ATRNL1: variants seen among roughly 807,000 people sequenced by gnomAD.
ATRNL1 encodes attractin like 1, also known as attractin-like protein 1.
In ATRNL1, 95 loss-of-function variants were observed where a neutral mutation model predicts 182.7. That is an observed-to-expected ratio of 0.52 (90% CI 0.44 to 0.62). The LOEUF is 0.62. ATRNL1 is among the 20% of genes least tolerant of loss of function. The pLI is 0.00. For synonymous variants in ATRNL1, 576 were observed against 568.3 expected (o/e 1.01, Z -0.19); for missense variants, 1,471 against 1,679.5 (o/e 0.88, Z 2.17).
chr10:115,775,782 C>G lies in ATRNL1; in HGVS notation c.3903+48427C>G, dbSNP rs546059788. Reference sequence around the variant, plus strand: ...CCAGCCTGGCCAACATGGTGAAACCCCGACTCTACTAAAAAAAATACAAAA... The same window carrying G: ...CCAGCCTGGCCAACATGGTGAAACCGCGACTCTACTAAAAAAAATACAAAA... On this transcript the variant is annotated intron_variant, in intron 27 of 28. Coordinates refer to ENST00000355044, the MANE Select transcript of ATRNL1 (RefSeq NM_207303.4). Among the ~76,000 whole-genome samples the G allele has an allele frequency of 9.3e-5, 10 of 107,166 alleles. No homozygotes were observed. In the South Asian group the frequency reaches 2.8e-3, roughly 31 times the overall value. The allele number at this position is 107,166 out of a possible 152,430, so 70.3% of individuals were successfully genotyped here.
At chr10:115,445,506 C>CGT (rs57237450) in intron 21 of ATRNL1, among the ~76,000 whole-genome samples, 11,171 of 119,126 alleles carry the variant, frequency 0.094, 511 homozygotes, top group African/African-American at 0.12. Flanking sequence ...CTCATTTGTC[C>CGT]GTGTGTGTGT....
intron 28 of ATRNL1, among the ~76,000 whole-genome samples, chr10:115,925,411 A>G (rs1953196938): frequency 6.6e-6 from 1 of 152,128 alleles, no homozygotes; most frequent in Non-Finnish European, 1.5e-5. Context: ...ACATAACAAT[A>G]CTAACCTTAA....
intron 8 of ATRNL1, among the ~76,000 whole-genome samples, chr10:115,198,225 T>C (rs1461679275): frequency 1.3e-5 from 2 of 152,196 alleles, no homozygotes; most frequent in East Asian, 1.9e-4. Context: ...TGAAATGATA[T>C]ATCATTTTGG....
chr10:115,366,609 A>C (rs1857056007), intron 19 of ATRNL1, among the ~76,000 whole-genome samples: 1 of 146,746 alleles, frequency 6.8e-6, no homozygotes, highest in African/African-American at 2.5e-5. Flanking sequence ...GTTTCTTCCT[A>C]GTCTCGATGG....
intron 26 of ATRNL1, among the ~76,000 whole-genome samples, chr10:115,630,540 C>T (rs564272820): frequency 2.0e-5 from 3 of 151,662 alleles, no homozygotes; most frequent in Admixed American, 2.0e-4. Context: ...AAATAAGTCT[C>T]TCCAAGAGAC....
intron 25 of ATRNL1, among the ~76,000 whole-genome samples, chr10:115,548,485 C>G (rs1275865621): frequency 1.3e-5 from 2 of 152,084 alleles, no homozygotes; most frequent in East Asian, 1.9e-4. Context: ...GTCCAGTGAC[C>G]AGCGAATTTG....
chr10:115,150,416 G>A (rs1554880313), intron 5 of ATRNL1, among the ~76,000 whole-genome samples: 1 of 151,538 alleles, frequency 6.6e-6, no homozygotes, highest in African/African-American at 2.4e-5. Flanking sequence ...ATTCTTTGAG[G>A]TGCATCATTA....
chr10:115,682,930 T>C (rs551645847), intron 26 of ATRNL1, among the ~76,000 whole-genome samples: 3 of 152,294 alleles, frequency 2.0e-5, no homozygotes, highest in Admixed American at 2.0e-4. Flanking sequence ...GAATTCTGGT[T>C]CTGCCTTTTC....
chr10:115,631,361 ATAAT>A (rs1381789908), intron 26 of ATRNL1, among the ~76,000 whole-genome samples: 3 of 152,114 alleles, frequency 2.0e-5, no homozygotes, highest in African/African-American at 4.8e-5. Flanking sequence ...TAAATTGACA[ATAAT>A]TAAATAAATA....
At chr10:115,939,568 C>T (rs1012920978) in intron 28 of ATRNL1, among the ~76,000 whole-genome samples, 2 of 152,130 alleles carry the variant, frequency 1.3e-5, no homozygotes, top group Admixed American at 1.3e-4. Context: ...ATCATCTTTA[C>T]GTGGTAAATG....
At chr10:115,746,702 A>G (rs1441338144) in intron 27 of ATRNL1, among the ~76,000 whole-genome samples, 3 of 152,040 alleles carry the variant, frequency 2.0e-5, no homozygotes, top group Non-Finnish European at 4.4e-5. Context: ...GCTGAAGTGC[A>G]TAACAGGTTT....
intron 27 of ATRNL1, among the ~76,000 whole-genome samples, chr10:115,827,537 T>C (rs1339712488): frequency 2.0e-5 from 3 of 152,190 alleles, no homozygotes; most frequent in African/African-American, 7.2e-5. Flanking sequence ...GATTTTAATG[T>C]TGACGATTAT....
At chr10:115,227,133 G>A (rs1377263707) in intron 9 of ATRNL1, among the ~76,000 whole-genome samples, 4 of 152,088 alleles carry the variant, frequency 2.6e-5, no homozygotes, top group Non-Finnish European at 5.9e-5. Context: ...AGAGCAAACA[G>A]ACAGCCTACA....
chr10:115,384,438 TA>T (rs1457356653), intron 19 of ATRNL1, among the ~76,000 whole-genome samples: 1 of 152,066 alleles, frequency 6.6e-6, no homozygotes, highest in African/African-American at 2.4e-5. Flanking sequence ...GTCACAAATA[TA>T]AGGGTTTTTT....
intron 26 of ATRNL1, among the ~76,000 whole-genome samples, chr10:115,613,231 G>A (rs1275560081): frequency 6.6e-6 from 1 of 152,184 alleles, no homozygotes; most frequent in Admixed American, 6.5e-5. Flanking sequence ...ATGTTAGACA[G>A]GCAACAAAGA....
intron 25 of ATRNL1, among the ~76,000 whole-genome samples, chr10:115,536,824 A>G (rs1439922027): frequency 6.6e-6 from 1 of 152,238 alleles, no homozygotes; most frequent in African/African-American, 2.4e-5. Flanking sequence ...AAAGAAGAAA[A>G]TGTAACTCCC....
chr10:115,267,273 A>C (rs559708915), intron 12 of ATRNL1, among the ~76,000 whole-genome samples: 57 of 150,918 alleles, frequency 3.8e-4, no homozygotes, highest in Non-Finnish European at 8.1e-4. Context: ...TTATTTTCTA[A>C]TATAAGTTTA....
chr10:115,574,638 C>T lies in ATRNL1; in HGVS notation c.3795+25102C>T, dbSNP rs150787927. 1.6e-3 allele frequency among the ~76,000 whole-genome samples: 237 copies of T among 152,152 alleles called. 1 individual carries two copies. Among genetic ancestry groups the T allele is most frequent in the African/African-American group, 5.4e-3 (226 of 41,526 alleles). The stretch of plus-strand genomic sequence containing the variant: ...CTTCAATCTCAATCACATTTAAATC[C>T]TATGTTACTTGGGCACCAGATGCTC... On this transcript the variant is annotated intron_variant, in intron 26 of 28. Coordinates refer to ENST00000355044, the MANE Select transcript of ATRNL1 (RefSeq NM_207303.4).
chr10:115,373,190 G>A (rs1224755782), intron 19 of ATRNL1, among the ~76,000 whole-genome samples: 1 of 151,984 alleles, frequency 6.6e-6, no homozygotes, highest in Non-Finnish European at 1.5e-5. Flanking sequence ...GTATAGAAAT[G>A]CTGCTGATTT....
Sources: gnomAD v4.1 joint callset for allele counts (sites outside exome capture counted in the v4.1 genomes callset) on GRCh38, gnomAD v4.1.1 for gene constraint, MANE v1.5 for transcripts, NCBI Gene and HGNC (gene_info 2026-07-23, HGNC 2026-07-21) for gene names.